RNF145: variants seen among roughly 807,000 people sequenced by gnomAD.
RNF145 encodes ring finger protein 145.
In RNF145, 12 loss-of-function variants were observed where a neutral mutation model predicts 57.3. The ratio of observed to expected loss-of-function variants is 0.21; its 90% CI spans 0.13 to 0.34. RNF145 has a LOEUF of 0.34. RNF145 is among the 10% of genes least tolerant of loss of function. The pLI is 1.00. For missense variants in RNF145, 429 were observed against 799.0 expected (o/e 0.54, Z 5.58); for synonymous variants, 262 against 288.3 (o/e 0.91, Z 0.92).
At chr5:159,179,960 A>G (rs1346853353) in intron 4 of RNF145, among the ~76,000 whole-genome samples, 1 of 152,120 alleles carries the variant, frequency 6.6e-6, no homozygotes, top group African/African-American at 2.4e-5. Context: ...TAGGGAAAGC[A>G]TTAATTTTTA....
At chr5:159,207,860 G>A (rs758092481) in intron 1 of RNF145, 6 of 1,613,996 alleles carry the variant, frequency 3.7e-6, no homozygotes, top group Non-Finnish European at 4.2e-6. Context: ...TCAACTTAAG[G>A]AACAGAGAGA....
rs190193941 is a variant in RNF145 at position 159,205,020 on chromosome 5, T to C, written c.-39-1364A>G. Among the ~76,000 whole-genome samples the C allele has an allele frequency of 8.4e-3, 1,285 of 152,276 alleles. 11 individuals are homozygous for C. The highest frequency in any genetic ancestry group is 0.034 in the Middle Eastern group (10 of 294). On this transcript the variant is annotated intron_variant, in intron 1 of 10. Transcript: ENST00000424310. The stretch of plus-strand genomic sequence containing the variant: ...ATTATAGTGACAGATTGCTATGCTA[T>C]GGTTAAATATTTGTCAGTATTTCCA...
chr5:159,202,418 G>C (rs1785701482), intron 2 of RNF145, among the ~76,000 whole-genome samples: 1 of 152,154 alleles, frequency 6.6e-6, no homozygotes, highest in Non-Finnish European at 1.5e-5. Flanking sequence ...ACATTCCCAA[G>C]GTAGTGCTAT....
At chr5:159,168,281 T>G (rs1784448454) in intron 8 of RNF145, among the ~76,000 whole-genome samples, 1 of 152,170 alleles carries the variant, frequency 6.6e-6, no homozygotes, top group Non-Finnish European at 1.5e-5. Flanking sequence ...GTTTAAAATT[T>G]TACTGTAATG....
At chr5:159,170,330 G>A (rs182716769) in intron 6 of RNF145, among the ~76,000 whole-genome samples, 20 of 152,250 alleles carry the variant, frequency 1.3e-4, no homozygotes, top group Admixed American at 1.3e-3. Flanking sequence ...TTTAAATTTA[G>A]GTTGAGACAA....
intron 2 of RNF145, among the ~76,000 whole-genome samples, chr5:159,198,427 G>C (rs1785536221): frequency 6.6e-6 from 1 of 152,194 alleles, no homozygotes; most frequent in Non-Finnish European, 1.5e-5. Flanking sequence ...AGCAGGACCA[G>C]AGGTAAGATG....
intron 6 of RNF145, 93 bp downstream of exon 6, chr5:159,173,890 A>G (rs1484847756): frequency 1.1e-6 from 1 of 876,338 alleles, no homozygotes; most frequent in Non-Finnish European, 1.7e-6. Flanking sequence ...GTGTAACATG[A>G]ACGATAAAAG....
rs1318811173 is a variant in RNF145 at position 159,194,777 on chromosome 5, C to T, written c.232G>A (p.Val78Ile). The stretch of plus-strand genomic sequence containing the variant: ...GTCAAAAAATATAGATAAAGCTGAA[C>T]CAGATGCTGCCTGGGCAATGTTAGC... ...VLLTLPRQHL[V>I]QLYLYFLTAL... The change falls in exon 3 of 11, where the codon GTT (valine) becomes ATT (isoleucine). Residue 78 changes from valine (V) to isoleucine (I), a missense_variant. Transcript: ENST00000424310. 6.2e-7 allele frequency: 1 copy of T among 1,613,670 alleles called. No homozygotes were observed. The highest frequency in any genetic ancestry group is 1.3e-5 in the African/African-American group (1 of 74,936).
chr5:159,159,071 C>CT lies in RNF145; in HGVS notation c.1627-37dup. On this transcript the variant is annotated intron_variant, in intron 10 of 10. Transcript: ENST00000424310. ...GGGAAAAAAGATACCTTATAAATGT[C>CT]TGTTTTCTAGTATCTTTGGTGCTAT... The CT allele has an allele frequency of 1.9e-6, 3 of 1,565,490 alleles. No individual in the cohort carries two copies. The South Asian group carries it at 3.6e-5, about 19-fold the overall frequency.
At chr5:159,190,560 G>A (rs755211284) in intron 3 of RNF145, among the ~76,000 whole-genome samples, 9 of 151,450 alleles carry the variant, frequency 5.9e-5, no homozygotes, top group African/African-American at 1.7e-4. Flanking sequence ...GCATGGTGGC[G>A]TACACCTGTA....
chr5:159,198,648 GT>G (rs1785545963), intron 2 of RNF145, among the ~76,000 whole-genome samples: 1 of 152,232 alleles, frequency 6.6e-6, no homozygotes, highest in Non-Finnish European at 1.5e-5. Context: ...TGAGAAAAAG[GT>G]GATGAGTTCA....
chr5:159,184,028 C>T lies in RNF145; in HGVS notation c.294-1977G>A, dbSNP rs547100873. ...GGGAGAGAGGTCAGCTCCAAGAGCA[C>T]TATCCCCAAGGAGAAAGCCACAAAG... is the stretch of plus-strand genomic sequence containing the variant. On this transcript the variant is annotated intron_variant, in intron 3 of 10. Coordinates refer to ENST00000424310, the MANE Select transcript of RNF145 (RefSeq NM_001199383.2). Among the ~76,000 whole-genome samples, 3 of 152,292 alleles carry T rather than the reference C, an allele frequency of 2.0e-5. No homozygotes were observed. In the South Asian group the frequency reaches 6.2e-4, roughly 32 times the overall value.
intron 1 of RNF145, among the ~76,000 whole-genome samples, chr5:159,204,649 C>T (rs1464570062): frequency 6.6e-6 from 1 of 151,728 alleles, no homozygotes; most frequent in Non-Finnish European, 1.5e-5. Context: ...ACTAAAAATA[C>T]AAAAATTAGC....
chr5:159,172,874 T>G (rs888626977), intron 6 of RNF145, among the ~76,000 whole-genome samples: 1 of 151,812 alleles, frequency 6.6e-6, no homozygotes, highest in Non-Finnish European at 1.5e-5. Flanking sequence ...AACTTAAAAC[T>G]GTTATCTACC....
At chr5:159,182,072 G>T in intron 3 of RNF145, 21 bp from the exon 4 acceptor site, 1 of 1,393,854 alleles carries the variant, frequency 7.2e-7, no homozygotes, top group Non-Finnish European at 1.0e-6. Flanking sequence ...AAATTGATTA[G>T]AATGTATATA....
intron 7 of RNF145, 74 bp from the exon 8 acceptor site, chr5:159,169,129 A>G: frequency 8.3e-7 from 1 of 1,209,402 alleles, no homozygotes; most frequent in Non-Finnish European, 1.1e-6. Flanking sequence ...AAAATAATCC[A>G]AAGGCTTAGA....
chr5:159,163,118 A>G (rs746133638), intron 8 of RNF145, 39 bp from the exon 9 acceptor site: 1 of 1,550,290 alleles, frequency 6.5e-7, no homozygotes, highest in South Asian at 1.2e-5. Flanking sequence ...AGTGCCTGCC[A>G]CCTAGTAGCA....
rs755773289 is a variant in RNF145, at chr5:159,181,957, T to C, written c.385+3A>G. 1.0e-5 allele frequency: 16 copies of C among 1,543,778 alleles called. No homozygotes were observed. In the East Asian group the frequency reaches 3.6e-4, roughly 35 times the overall value. ...TACACTTTAATTCTTTTATAATACT[T>C]ACCTATTAAGGCTGTGGTAAACCGA... On this transcript the variant is annotated splice_donor_region_variant and intron_variant, in intron 4 of 10. Transcript: ENST00000424310.
chr5:159,207,324 CTTAT>C (rs535555414), intron 1 of RNF145: 476 of 528,262 alleles, frequency 9.0e-4, no homozygotes, highest in South Asian at 1.5e-3. Context: ...TTTTATTTCT[CTTAT>C]TTGAGTTCTT....
Sources: allele counts gnomAD v4.1 joint callset (sites outside exome capture counted in the v4.1 genomes callset), GRCh38; gene constraint gnomAD v4.1.1; transcripts MANE v1.5; gene names NCBI Gene and HGNC (gene_info 2026-07-23, HGNC 2026-07-21).